The following UBR4 variants were observed in gnomAD, a reference collection of about 807,000 sequenced individuals.
The protein encoded by UBR4 is ubiquitin protein ligase E3 component n-recognin 4, also known as E3 ubiquitin-protein ligase UBR4.
UBR4 carries 124 observed loss-of-function variants against 575.6 expected under a neutral mutation model. That is an observed-to-expected ratio of 0.22 (90% CI 0.19 to 0.25). UBR4 has a LOEUF of 0.25. Among genes scored for constraint, UBR4 ranks in the 10% least tolerant of loss-of-function variants. The pLI, the probability that UBR4 is intolerant of heterozygous loss-of-function variation, is 1.00. For missense variants in UBR4, 4,818 were observed against 6,478.8 expected, an observed-to-expected ratio of 0.74 and a Z score of 8.80; for synonymous variants, 2,455 against 2,473.7, an observed-to-expected ratio of 0.99 and a Z score of 0.22.
intron 60 of UBR4, 39 bp from the exon 61 acceptor site, chr1:19,129,113 C>G: frequency 6.4e-7 from 1 of 1,553,772 alleles, no homozygotes; most frequent in Non-Finnish European, 8.9e-7. Context: ...ATGAGCTGTA[C>G]TCCAACAGGA....
In UBR4 at chr1:19,152,473, G is replaced by A; in HGVS notation, c.6836C>T (p.Thr2279Ile). The A allele has an allele frequency of 6.2e-7, 1 of 1,613,842 alleles. No individual in the cohort carries two copies. The highest frequency in any genetic ancestry group is 8.5e-7 in the Non-Finnish European group (1 of 1,179,844). ...VRKRKTATIT[T>I]RTSSQVTFPI... is the part of the protein sequence containing the mutation. ...GAAAGTCACCTGGCTAGACGTGCGG[G>A]TTGCTGCAGAGAACGGTACCAGATC... Residue 2279 changes from threonine (T) to isoleucine (I), a missense_variant, in exon 47 of 106, where the codon ACC becomes ATC. Thr to Ile is a moderately conservative substitution (Grantham distance 89, BLOSUM62 -1). Coordinates refer to ENST00000375254, the MANE Select transcript of UBR4 (RefSeq NM_020765.3). This position sits in a 1 kb window ranked among gnomAD's most constrained non-coding sequence, Gnocchi z 4.4.
At position 19,172,716 on chromosome 1, in the gene UBR4, A is replaced by G. The variant is rs141444934; in HGVS notation, c.3521+148T>C. ...CTATTTGAAAATTTCCTCATCAAGCACCCCTTCATACTAGAGAAGAAAGCA... is the reference window on the plus strand; with the variant it reads ...CTATTTGAAAATTTCCTCATCAAGCGCCCCTTCATACTAGAGAAGAAAGCA... On this transcript the variant is annotated intron_variant, in intron 25 of 105. Coordinates refer to ENST00000375254, the MANE Select transcript of UBR4 (RefSeq NM_020765.3). 581 of 693,296 alleles carry G rather than the reference A, an allele frequency of 8.4e-4. 6 individuals are homozygous for G. In the East Asian group the frequency reaches 0.01, roughly 12 times the overall value. 42.9% of individuals were successfully genotyped at this position (693,296 alleles called of 1,614,324 possible).
At chr1:19,203,499 CAAAAAA>C (rs774026182) in intron 1 of UBR4, among the ~76,000 whole-genome samples, 2 of 108,702 alleles carry the variant, frequency 1.8e-5, no homozygotes, top group African/African-American at 6.8e-5. Flanking sequence ...GACTCCAACT[CAAAAAA>C]AAAAAAAAAG....
Position 19,162,423 on chromosome 1 carries a change from A to G in UBR4, c.4953T>C (p.Asp1651=), listed in dbSNP as rs1483001279. 1.9e-6 allele frequency: 3 copies of G among 1,612,474 alleles called. No individual in the cohort carries two copies. Among genetic ancestry groups the G allele is most frequent in the East Asian group, 4.5e-5 (2 of 44,882 alleles). Residue 1651 remains aspartate (D), a synonymous_variant, in exon 35 of 106, where the codon GAT becomes GAC. Coordinates refer to ENST00000375254, the MANE Select transcript of UBR4 (RefSeq NM_020765.3). ...TTCGAGGTTACTTAGTACTTACTGA[A>G]TCCTCAGCCTGGGAATCTTCCTCTT... ...AVEEEDSQAE[D]SDEDSLCNKL... is the part of the protein sequence containing the mutation.
intron 27 of UBR4, among the ~76,000 whole-genome samples, chr1:19,169,143 T>C (rs1348607932): frequency 6.6e-6 from 1 of 152,200 alleles, no homozygotes; most frequent in Non-Finnish European, 1.5e-5. Flanking sequence ...GCTAGGCACT[T>C]AACATTCAAT....
At chr1:19,158,295 T>A (rs563294025) in intron 39 of UBR4, among the ~76,000 whole-genome samples, 2 of 152,342 alleles carry the variant, frequency 1.3e-5, no homozygotes, top group East Asian at 3.9e-4. Flanking sequence ...TTGTTTTCAT[T>A]GATCTAACCT....
chr1:19,101,480 G>A, intron 88 of UBR4, 40 bp downstream of exon 88: 1 of 1,577,416 alleles, frequency 6.3e-7, no homozygotes, highest in Non-Finnish European at 8.7e-7. Context: ...AGTGGGCTGT[G>A]CTGACACTCG....
rs10917035 is a variant in UBR4 at position 19,152,710 on chromosome 1, A to G, written c.6833-234T>C. ...AATCTGGCATTGGTATTGGGTGTAC[A>G]GCTAATAACAATAGGCTCTCCTGTA... is the stretch of plus-strand genomic sequence containing the variant. On this transcript the variant is annotated intron_variant, in intron 46 of 105. Transcript: ENST00000375254. This position sits in a 1 kb window ranked among gnomAD's most constrained non-coding sequence, Gnocchi z 4.4. Among the ~76,000 whole-genome samples, 67,155 of 152,166 alleles carry G rather than the reference A, an allele frequency of 0.44. 15,319 individuals are homozygous for G. Among genetic ancestry groups the G allele is most frequent in the East Asian group, 0.76 (3,940 of 5,180 alleles).
At chr1:19,127,888 C>A (rs932211690) in intron 62 of UBR4, 149 bp from the exon 63 acceptor site, 2 of 672,856 alleles carry the variant, frequency 3.0e-6, no homozygotes, top group Non-Finnish European at 5.1e-6. Flanking sequence ...TATCCATGGA[C>A]TATACTTGGG....
intron 90 of UBR4, among the ~76,000 whole-genome samples, chr1:19,098,300 G>A (rs925224273): frequency 1.3e-5 from 2 of 152,208 alleles, no homozygotes; most frequent in African/African-American, 4.8e-5. Context: ...CTGCTTATCA[G>A]GGAAATGGAG....
In UBR4 at chr1:19,088,258, T is replaced by C. The variant is rs1447202534; in HGVS notation, c.14431-329A>G. Among the ~76,000 whole-genome samples, 1 of 152,238 alleles carries C rather than the reference T, an allele frequency of 6.6e-6. No individual in the cohort carries two copies. The highest frequency in any genetic ancestry group is 6.5e-5 in the Admixed American group (1 of 15,288). ...TCAGCTTCCAAGGGTTGTTGCACTA[T>C]GATTCATTCACTGTTCCCAGGTGAG... On this transcript the variant is annotated intron_variant, in intron 98 of 105. Transcript: ENST00000375254. The surrounding 1 kb of genome is among the most constrained non-coding windows in gnomAD (Gnocchi z 4.0).
Position 19,156,750 on chromosome 1 carries a change from T to A in UBR4, c.5919+17A>T. ...ATCCACAGCTCAAGGCAATCAAACC[T>A]AGATCCGGATTTTTACCTTTAGCCC... On this transcript the variant is annotated intron_variant, in intron 41 of 105. Transcript: ENST00000375254. 1 of 1,610,762 alleles carries A rather than the reference T, an allele frequency of 6.2e-7. No homozygotes were observed. Among genetic ancestry groups the A allele is most frequent in the Non-Finnish European group, 8.5e-7 (1 of 1,177,452 alleles).
At chr1:19,155,697 G>T (rs1240679554) in intron 42 of UBR4, 29 bp from the exon 43 acceptor site, 4 of 1,589,376 alleles carry the variant, frequency 2.5e-6, no homozygotes, top group Non-Finnish European at 3.5e-6. Flanking sequence ...ATTAAATAAG[G>T]GAAATCTATC....
At chr1:19,198,442 T>C (rs1257811733) in intron 5 of UBR4, 99 bp downstream of exon 5, 1 of 1,470,636 alleles carries the variant, frequency 6.8e-7, no homozygotes, top group African/African-American at 1.4e-5. Flanking sequence ...ATGTATATCA[T>C]TTTATATCAC....
At chr1:19,127,327 G>C (rs2081930729) in intron 63 of UBR4, among the ~76,000 whole-genome samples, 1 of 152,108 alleles carries the variant, frequency 6.6e-6, no homozygotes, top group Admixed American at 6.5e-5. Flanking sequence ...CATACACTAG[G>C]GGAATCCTCT....
At chr1:19,124,520 C>T in intron 65 of UBR4, 21 bp downstream of exon 65, 3 of 1,612,946 alleles carry the variant, frequency 1.9e-6, no homozygotes. Flanking sequence ...AACAAGCATG[C>T]AGCTTGGGAC....
intron 1 of UBR4, among the ~76,000 whole-genome samples, chr1:19,206,480 G>A (rs983016841): frequency 2.0e-5 from 3 of 151,968 alleles, no homozygotes; most frequent in African/African-American, 2.4e-5. Context: ...CATTACAGGC[G>A]CGCGCCACCA....
rs1456426815 is a variant in UBR4 at position 19,139,056 on chromosome 1, G to C, written c.8731+27C>G. 6 of 1,592,066 alleles carry C rather than the reference G, an allele frequency of 3.8e-6. No individual in the cohort carries two copies. In the East Asian group the frequency reaches 1.1e-4, roughly 30 times the overall value. On this transcript the variant is annotated intron_variant, in intron 59 of 105. Coordinates refer to ENST00000375254, the MANE Select transcript of UBR4 (RefSeq NM_020765.3). The surrounding 1 kb of genome is among the most constrained non-coding windows in gnomAD (Gnocchi z 4.2). ...TTTGTCCCCACCCTCTGCCCAAGGA[G>C]ACAGGACCCCCGCCATGGCACATTA... is the stretch of plus-strand genomic sequence containing the variant.
intron 29 of UBR4, among the ~76,000 whole-genome samples, chr1:19,166,746 A>C (rs1214734439): frequency 1.7e-5 from 2 of 116,082 alleles, no homozygotes; most frequent in Non-Finnish European, 3.5e-5. Flanking sequence ...AAAAAAAAAA[A>C]AAAAAAAAAA....
Sources: gnomAD v4.1 joint callset for allele counts (sites outside exome capture counted in the v4.1 genomes callset) on GRCh38, gnomAD v4.1.1 for gene constraint, Gnocchi (gnomAD v3.1) non-coding constraint, MANE v1.5 for transcripts, NCBI Gene and HGNC (gene_info 2026-07-23, HGNC 2026-07-21) for gene names.